ARHGAP6: variants seen among roughly 807,000 people sequenced by gnomAD.
ARHGAP6 encodes rho GTPase-activating protein 6.
Under a neutral mutation model 55.7 loss-of-function variants are expected in ARHGAP6, and 16 were observed. The observed-to-expected ratio is 0.29, with a 90% CI of 0.19 to 0.44. ARHGAP6 has a LOEUF of 0.44. Among genes scored for constraint, ARHGAP6 ranks in the 20% least tolerant of loss-of-function variants. The probability of loss-of-function intolerance (pLI) is 1.00; values close to 1 mark genes in which losing one functional copy is unlikely to be tolerated. For synonymous variants in ARHGAP6, 382 were observed against 360.9 expected, an observed-to-expected ratio of 1.06 and a Z score of -0.66; for missense variants, 698 against 808.9, an observed-to-expected ratio of 0.86 and a Z score of 1.66.
At chrX:11,422,968 T>A (rs990852787) in intron 1 of ARHGAP6, among the ~76,000 whole-genome samples, 12 of 111,759 alleles carry the variant, frequency 1.1e-4, no homozygotes, top group Admixed American at 1.9e-4. Flanking sequence ...AAAGTAAGCA[T>A]GCCAGGTTGG....
intron 1 of ARHGAP6, among the ~76,000 whole-genome samples, chrX:11,628,984 C>CGTGTGTGTGTGTGT (rs55999982): frequency 6.9e-5 from 7 of 101,454 alleles, no homozygotes; most frequent in African/African-American, 1.4e-4. Flanking sequence ...GCTTCAGATA[C>CGTGTGTGTGTGTGT]GTGTGTGTGT....
chrX:11,408,747 G>A (rs1016086477), intron 1 of ARHGAP6, among the ~76,000 whole-genome samples: 2 of 110,590 alleles, frequency 1.8e-5, no homozygotes, highest in Non-Finnish European at 3.8e-5. Flanking sequence ...TCATCCATGA[G>A]TTCTTCCTAC....
intron 1 of ARHGAP6, among the ~76,000 whole-genome samples, chrX:11,459,324 G>C (rs1318198201): frequency 9.0e-6 from 1 of 111,623 alleles, no homozygotes; most frequent in Non-Finnish European, 1.9e-5. Context: ...ACTGAAGCAG[G>C]CAGAAATTAG....
At chrX:11,512,272 T>C (rs2147867962) in intron 1 of ARHGAP6, among the ~76,000 whole-genome samples, 1 of 111,954 alleles carries the variant, frequency 8.9e-6, no homozygotes, top group South Asian at 3.8e-4. Flanking sequence ...AATTCTTCAC[T>C]GATCAAGAGT....
intron 1 of ARHGAP6, among the ~76,000 whole-genome samples, chrX:11,360,399 C>A (rs1405256200): frequency 9.1e-6 from 1 of 109,832 alleles, no homozygotes; most frequent in Non-Finnish European, 1.9e-5. Context: ...GAACCAAAGA[C>A]AAAAACCACA....
intron 2 of ARHGAP6, among the ~76,000 whole-genome samples, chrX:11,209,599 T>C (rs988313635): frequency 3.5e-5 from 4 of 112,856 alleles, no homozygotes; most frequent in South Asian, 3.6e-4. Flanking sequence ...TGTTTTATAA[T>C]GTGAAAAAAT....
At chrX:11,577,909 C>T (rs1006654754) in intron 1 of ARHGAP6, among the ~76,000 whole-genome samples, 2 of 111,157 alleles carry the variant, frequency 1.8e-5, no homozygotes, top group African/African-American at 6.6e-5. Flanking sequence ...CTTTCTGGTC[C>T]CCAGCCTATG....
intron 1 of ARHGAP6, among the ~76,000 whole-genome samples, chrX:11,272,267 G>A (rs1313631673): frequency 9.0e-6 from 1 of 111,645 alleles, no homozygotes; most frequent in Non-Finnish European, 1.9e-5. Flanking sequence ...TATAGACCAA[G>A]TCAATTAGAC....
chrX:11,645,512 G>A (rs975059727), intron 1 of ARHGAP6, among the ~76,000 whole-genome samples: 3 of 111,473 alleles, frequency 2.7e-5, no homozygotes, highest in Non-Finnish European at 1.9e-5. Flanking sequence ...CAGTTTACAT[G>A]GAAAATGGTT....
chrX:11,551,174 T>G (rs1415370607), intron 1 of ARHGAP6, among the ~76,000 whole-genome samples: 1 of 111,771 alleles, frequency 8.9e-6, no homozygotes, highest in Non-Finnish European at 1.9e-5. Context: ...AACATCACAG[T>G]GTCTTCACTT....
intron 1 of ARHGAP6, among the ~76,000 whole-genome samples, chrX:11,396,319 T>G (rs2049477127): frequency 1.8e-5 from 2 of 110,019 alleles, no homozygotes; most frequent in South Asian, 7.8e-4. Context: ...GTCTCTTAGG[T>G]GGCAGCCATA....
At chrX:11,524,045 C>T (rs1000336229) in intron 1 of ARHGAP6, among the ~76,000 whole-genome samples, 3 of 111,560 alleles carry the variant, frequency 2.7e-5, no homozygotes, top group Non-Finnish European at 3.8e-5. Flanking sequence ...AGTTAACATG[C>T]GCAAAATATA....
intron 2 of ARHGAP6, among the ~76,000 whole-genome samples, chrX:11,204,667 A>G (rs1483353778): frequency 9.0e-6 from 1 of 111,603 alleles, no homozygotes; most frequent in Non-Finnish European, 1.9e-5. Flanking sequence ...CAAAGGTCAC[A>G]AGTATGGGTA....
intron 1 of ARHGAP6, among the ~76,000 whole-genome samples, chrX:11,489,853 G>A (rs764401312): frequency 8.4e-4 from 94 of 111,542 alleles, no homozygotes; most frequent in Non-Finnish European, 1.3e-3. Context: ...GAGAAAAGAA[G>A]GCCATAGAGA....
chrX:11,585,594 G>C (rs2051723732), intron 1 of ARHGAP6, among the ~76,000 whole-genome samples: 1 of 112,408 alleles, frequency 8.9e-6, no homozygotes. Flanking sequence ...AAAGGTTTCT[G>C]TTCATGTCCT....
chrX:11,435,381 A>G (rs1380436048), intron 1 of ARHGAP6, among the ~76,000 whole-genome samples: 2 of 112,500 alleles, frequency 1.8e-5, no homozygotes, highest in Non-Finnish European at 3.8e-5. Flanking sequence ...CTGGAAAGAT[A>G]ATAAGATTTC....
intron 1 of ARHGAP6, among the ~76,000 whole-genome samples, chrX:11,513,714 C>A (rs777831726): frequency 1.1e-4 from 12 of 111,177 alleles, no homozygotes; most frequent in Admixed American, 9.6e-5. Flanking sequence ...AGGCACCTTG[C>A]ATCTAGGTGG....
intron 1 of ARHGAP6, among the ~76,000 whole-genome samples, chrX:11,608,114 A>T (rs1474084458): frequency 9.0e-6 from 1 of 111,621 alleles, no homozygotes; most frequent in Non-Finnish European, 1.9e-5. Flanking sequence ...TTTCAGTTTT[A>T]CAAAGTGATA....
At chrX:11,663,396 C>T (rs5935132) in intron 1 of ARHGAP6, among the ~76,000 whole-genome samples, 33,940 of 110,838 alleles carry the variant, frequency 0.31, 3,718 homozygotes, top group Middle Eastern at 0.39. Flanking sequence ...GTTTGTGGAC[C>T]GAAGGGGATA....
Sources: gnomAD v4.1 joint callset for allele counts (sites outside exome capture counted in the v4.1 genomes callset) on GRCh38, gnomAD v4.1.1 for gene constraint, MANE v1.5 for transcripts, NCBI Gene and HGNC (gene_info 2026-07-23, HGNC 2026-07-21) for gene names.